The following PEX3 variants were observed in gnomAD, a reference collection of about 807,000 sequenced individuals.
PEX3 encodes the protein peroxisomal biogenesis factor 3, also known as peroxin-3.
A neutral mutation model predicts 55.8 loss-of-function variants in PEX3; 30 were observed. The observed-to-expected ratio is 0.54, with a 90% CI of 0.40 to 0.73. PEX3 has a LOEUF of 0.73. Ranked by LOEUF, PEX3 falls within the 30% of genes least tolerant of loss-of-function variation. The pLI is 0.00. For missense variants in PEX3, 351 were observed against 432.8 expected (o/e 0.81, Z 1.68); for synonymous variants, 135 against 148.4 (o/e 0.91, Z 0.66).
intron 9 of PEX3, among the ~76,000 whole-genome samples, chr6:143,477,406 T>C (rs1780168862): frequency 6.8e-6 from 1 of 147,976 alleles, no homozygotes; most frequent in African/African-American, 2.5e-5. Flanking sequence ...ATTTACTGAA[T>C]TGATAGAGGG....
rs747058579 is a variant in PEX3, at chr6:143,463,471, T to G, written c.287+474T>G. ...CAAACATAACATGAGCATGCAATAC[T>G]AATAATTTACATTGCCATGGCAGTT... is the stretch of plus-strand genomic sequence containing the variant. On this transcript the variant is annotated intron_variant, in intron 3 of 11. Coordinates refer to ENST00000367591, the MANE Select transcript of PEX3 (RefSeq NM_003630.3). The surrounding 1 kb of genome is among the most constrained non-coding windows in gnomAD (Gnocchi z 5.7). Among the ~76,000 whole-genome samples the G allele has an allele frequency of 3.9e-4, 59 of 152,186 alleles. No homozygotes were observed. The highest frequency in any genetic ancestry group is 5.7e-4 in the Non-Finnish European group (39 of 68,004).
In PEX3 at chr6:143,479,206, G is replaced by T; in HGVS notation, c.941+8G>T. The T allele has an allele frequency of 6.3e-7, 1 of 1,598,038 alleles. No homozygotes were observed. Among genetic ancestry groups the T allele is most frequent in the South Asian group, 1.1e-5 (1 of 90,674 alleles). On this transcript the variant is annotated splice_region_variant and intron_variant, in intron 10 of 11. Transcript: ENST00000367591. The surrounding 1 kb of genome is among the most constrained non-coding windows in gnomAD (Gnocchi z 4.6). ...TGGTAACTCTATGAATAGGTAAGAT[G>T]ACATATAAAAATGTTATACTAATGA...
chr6:143,474,954 T>C, intron 9 of PEX3, 98 bp downstream of exon 9: 1 of 657,602 alleles, frequency 1.5e-6, no homozygotes, highest in Non-Finnish European at 2.7e-6. Flanking sequence ...CGGTATAATA[T>C]TATATTAAAA....
intron 9 of PEX3, among the ~76,000 whole-genome samples, chr6:143,478,025 G>T (rs116494615): frequency 0.036 from 5,546 of 152,136 alleles, 258 homozygotes; most frequent in African/African-American, 0.1. Context: ...AAACAGTCCA[G>T]ATTTCTATTA....
In PEX3 at chr6:143,471,448, T is replaced by C; in HGVS notation, c.522T>C (p.Asp174=). ...CAAGTATTCAGCACCTACTTGGAGA[T>C]GGTAAGATTCTTATTTGTGACTTTT... ...YLSSIQHLLG[D]GLTELITVIK... is the part of the protein sequence containing the mutation. Residue 174 remains aspartate (D), a splice_region_variant and synonymous_variant, in exon 6 of 12, where the codon GAT becomes GAC. Coordinates refer to ENST00000367591, the MANE Select transcript of PEX3 (RefSeq NM_003630.3). This position sits in a 1 kb window ranked among gnomAD's most constrained non-coding sequence, Gnocchi z 5.4. The C allele has an allele frequency of 1.3e-6, 2 of 1,595,712 alleles. No homozygotes were observed. Among genetic ancestry groups the C allele is most frequent in the South Asian group, 1.1e-5 (1 of 90,270 alleles).
intron 8 of PEX3, among the ~76,000 whole-genome samples, chr6:143,474,124 C>A (rs1937680828): frequency 6.6e-6 from 1 of 151,636 alleles, no homozygotes; most frequent in African/African-American, 2.4e-5. Flanking sequence ...GAGTGAGACC[C>A]TTTCTCAAAA....
At chr6:143,474,065 G>A (rs955115924) in intron 8 of PEX3, among the ~76,000 whole-genome samples, 8 of 151,982 alleles carry the variant, frequency 5.3e-5, no homozygotes, top group African/African-American at 1.9e-4. Context: ...CCACGAGTTC[G>A]AGGTTGCCTA....
Position 143,489,371 on chromosome 6 carries a change from C to G in PEX3, c.*145C>G. On this transcript the variant is annotated 3_prime_UTR_variant, in exon 12 of 12. Transcript: ENST00000367591. This position sits in a 1 kb window ranked among gnomAD's most constrained non-coding sequence, Gnocchi z 5.5. ...AAAAGTCTTCATTTCATAATGAAATCAATTTATTTGGCATCTTAATATATT... is the reference window on the plus strand; with the variant it reads ...AAAAGTCTTCATTTCATAATGAAATGAATTTATTTGGCATCTTAATATATT... The G allele has an allele frequency of 1.6e-6, 1 of 612,574 alleles. No individual in the cohort carries two copies. 37.9% of individuals were successfully genotyped at this position (612,574 alleles called of 1,614,324 possible).
In PEX3 at chr6:143,472,387, C is replaced by G. The variant is rs55654136; in HGVS notation, c.747+59C>G. The G allele has an allele frequency of 4.3e-4, 546 of 1,258,588 alleles. 2 individuals carry two copies. The African/African-American group carries it at 6.3e-3, about 15-fold the overall frequency. 78.0% of individuals were successfully genotyped at this position (1,258,588 alleles called of 1,614,324 possible). A position where few individuals can be genotyped will look rare whatever the true frequency, so the allele number is the denominator to read the frequency against. On this transcript the variant is annotated intron_variant, in intron 8 of 11. Coordinates refer to ENST00000367591, the MANE Select transcript of PEX3 (RefSeq NM_003630.3). ...TACTCTATTCTTTTAAAATTTTACT[C>G]TCTTGAAATTTTGATTTCTGAGTCT...
At position 143,489,217 on chromosome 6, in the gene PEX3, G is replaced by A. The variant is rs1318603353; in HGVS notation, c.1113G>A (p.Leu371=). 2 of 1,589,852 alleles carry A rather than the reference G, an allele frequency of 1.3e-6. No homozygotes were observed. The highest frequency in any genetic ancestry group is 1.3e-5 in the African/African-American group (1 of 74,356). Residue 371 remains leucine (L), a synonymous_variant, in exon 12 of 12, where the codon CTG becomes CTA. Transcript: ENST00000367591. This position sits in a 1 kb window ranked among gnomAD's most constrained non-coding sequence, Gnocchi z 5.5. The part of the protein sequence containing the change: ...VYEAFSTPQQ[L]EK ...AAGCTTTTAGTACCCCTCAGCAACT[G>A]GAGAAATGATTTTTCCTTCAAGAAA... is the stretch of plus-strand genomic sequence containing the variant.
In PEX3 at chr6:143,475,710, CT is replaced by C. The variant is rs1156956567; in HGVS notation, c.818+856del. ...AGTGTTTCCCAGGTATTTGTTCTTTCTTCATTGGCAACTGCCTCCCAGGCAA... is the reference window on the plus strand; with the variant it reads ...AGTGTTTCCCAGGTATTTGTTCTTTCTCATTGGCAACTGCCTCCCAGGCAA... On this transcript the variant is annotated intron_variant, in intron 9 of 11. Transcript: ENST00000367591. The surrounding 1 kb of genome is among the most constrained non-coding windows in gnomAD (Gnocchi z 4.4). Among the ~76,000 whole-genome samples the C allele has an allele frequency of 6.6e-6, 1 of 152,178 alleles. No individual in the cohort carries two copies. The highest frequency in any genetic ancestry group is 1.5e-5 in the Non-Finnish European group (1 of 68,026).
At chr6:143,452,037 G>C (rs114231988) in intron 1 of PEX3, among the ~76,000 whole-genome samples, 1 of 152,154 alleles carries the variant, frequency 6.6e-6, no homozygotes, top group Non-Finnish European at 1.5e-5. Flanking sequence ...CAAAGAATTT[G>C]GTTGGCTTTT....
At position 143,486,263 on chromosome 6, in the gene PEX3, G is replaced by T. The variant is rs1780321931; in HGVS notation, c.1038+1015G>T. ...AAGCTTCACATCTATATCAATGTGA[G>T]AAAAAGGTCATAACTTGGGGCATTT... On this transcript the variant is annotated intron_variant, in intron 11 of 11. Coordinates refer to ENST00000367591, the MANE Select transcript of PEX3 (RefSeq NM_003630.3). The surrounding 1 kb of genome is among the most constrained non-coding windows in gnomAD (Gnocchi z 5.0). Among the ~76,000 whole-genome samples, 1 of 152,128 alleles carries T rather than the reference G, an allele frequency of 6.6e-6. No individual in the cohort carries two copies. Among genetic ancestry groups the T allele is most frequent in the African/African-American group, 2.4e-5 (1 of 41,438 alleles).
In PEX3 at chr6:143,464,062, C is replaced by T. The variant is rs4896658; in HGVS notation, c.287+1065C>T. ...TCTTAGAGGTAGACAGACCTTCCTT[C>T]CTTCTTACAGATATAAGGTTTAGCT... On this transcript the variant is annotated intron_variant, in intron 3 of 11. Coordinates refer to ENST00000367591, the MANE Select transcript of PEX3 (RefSeq NM_003630.3). The surrounding 1 kb of genome is among the most constrained non-coding windows in gnomAD (Gnocchi z 5.8). Among the ~76,000 whole-genome samples, 2,762 of 152,172 alleles carry T rather than the reference C, an allele frequency of 0.018. 106 individuals carry two copies. Among genetic ancestry groups the T allele is most frequent in the Admixed American group, 0.073 (1,115 of 15,282 alleles).
rs1004869094 is a variant in PEX3, at chr6:143,465,449, T to TA, written c.287+2453dup. On this transcript the variant is annotated intron_variant, in intron 3 of 11. Coordinates refer to ENST00000367591, the MANE Select transcript of PEX3 (RefSeq NM_003630.3). This position sits in a 1 kb window ranked among gnomAD's most constrained non-coding sequence, Gnocchi z 4.7. The stretch of plus-strand genomic sequence containing the variant: ...CGTTTGGTTTTGGTTTTTTTTTAGA[T>TA]AGAGTCTTACTCTGTCGCCCAAGCT... Among the ~76,000 whole-genome samples the TA allele has an allele frequency of 1.3e-5, 2 of 151,932 alleles. No individual in the cohort carries two copies. The highest frequency in any genetic ancestry group is 4.8e-5 in the African/African-American group (2 of 41,412).
Position 143,464,490 on chromosome 6 carries a change from C to CA in PEX3, c.287+1500dup, listed in dbSNP as rs1281479238. ...AAGTAAAAGGAAAATTTAGGAGTAT[C>CA]AAAAAAACCAAAGGATTAATTTTGA... On this transcript the variant is annotated intron_variant, in intron 3 of 11. Transcript: ENST00000367591. This position sits in a 1 kb window ranked among gnomAD's most constrained non-coding sequence, Gnocchi z 5.8. Among the ~76,000 whole-genome samples the CA allele has an allele frequency of 6.6e-6, 1 of 151,616 alleles. No individual in the cohort carries two copies. Among genetic ancestry groups the CA allele is most frequent in the East Asian group, 1.9e-4 (1 of 5,186 alleles).
chr6:143,476,262 T>A lies in PEX3; in HGVS notation c.818+1406T>A, dbSNP rs73780415. On this transcript the variant is annotated intron_variant, in intron 9 of 11. Transcript: ENST00000367591. This position sits in a 1 kb window ranked among gnomAD's most constrained non-coding sequence, Gnocchi z 5.4. ...TCAAGGAATAGCAAGGAGGCCATTG[T>A]TGGCTGGAGCACAGTGAATGAGAAA... 1.9e-3 allele frequency among the ~76,000 whole-genome samples: 291 copies of A among 152,334 alleles called. 2 individuals are homozygous for A. Among genetic ancestry groups the A allele is most frequent in the African/African-American group, 6.2e-3 (259 of 41,564 alleles).
At position 143,459,883 on chromosome 6, in the gene PEX3, C is replaced by T. The variant is rs187038826; in HGVS notation, c.205+667C>T. On this transcript the variant is annotated intron_variant, in intron 2 of 11. Transcript: ENST00000367591. The surrounding 1 kb of genome is among the most constrained non-coding windows in gnomAD (Gnocchi z 4.2). ...CCTGTGAGTCGTCCACAATAGTATA[C>T]ACTCAGGCAATGTTAATTAATGGCA... Among the ~76,000 whole-genome samples the T allele has an allele frequency of 7.9e-5, 12 of 152,292 alleles. No homozygotes were observed. The East Asian group carries it at 2.1e-3, about 27-fold the overall frequency.
rs547208711 is a variant in PEX3 at position 143,482,943 on chromosome 6, T to G, written c.942-2209T>G. Among the ~76,000 whole-genome samples, 3 of 152,278 alleles carry G rather than the reference T, an allele frequency of 2.0e-5. No homozygotes were observed. Among genetic ancestry groups the G allele is most frequent in the Non-Finnish European group, 4.4e-5 (3 of 67,988 alleles). Reference sequence around the variant, plus strand: ...AAGTCTAGGTTTGACTGTATAATTTTTAAAACTTCAAGATCAAACAAGCTT... The same window carrying G: ...AAGTCTAGGTTTGACTGTATAATTTGTAAAACTTCAAGATCAAACAAGCTT... On this transcript the variant is annotated intron_variant, in intron 10 of 11. Transcript: ENST00000367591. This position sits in a 1 kb window ranked among gnomAD's most constrained non-coding sequence, Gnocchi z 5.5.
Sources: gnomAD v4.1 joint callset for allele counts (sites outside exome capture counted in the v4.1 genomes callset) on GRCh38, gnomAD v4.1.1 for gene constraint, Gnocchi (gnomAD v3.1) non-coding constraint, MANE v1.5 for transcripts, NCBI Gene and HGNC (gene_info 2026-07-23, HGNC 2026-07-21) for gene names.